Variants in COL23A1 observed in about 807,000 individuals in gnomAD.
COL23A1 encodes collagen alpha-1(XXIII) chain.
COL23A1 carries 97 observed loss-of-function variants against 99.3 expected under a neutral mutation model. That is an observed-to-expected ratio of 0.98 (90% confidence interval 0.83 to 1.16). The LOEUF is 1.16. Among genes scored for constraint, COL23A1 ranks in the 50% most tolerant of loss-of-function variants. COL23A1 has a pLI of 0.00. For synonymous variants in COL23A1, 320 were observed against 308.2 expected (o/e 1.04, Z -0.40); for missense variants, 762 against 757.4 (o/e 1.01, Z -0.07).
At chr5:178,381,840 T>C (rs1763397677) in intron 2 of COL23A1, among the ~76,000 whole-genome samples, 1 of 152,124 alleles carries the variant, frequency 6.6e-6, no homozygotes, top group South Asian at 2.1e-4. Flanking sequence ...TTCCCTCTAT[T>C]GCCCTCACTG....
At chr5:178,397,087 G>C (rs146721890) in intron 2 of COL23A1, among the ~76,000 whole-genome samples, 1 of 152,350 alleles carries the variant, frequency 6.6e-6, no homozygotes, top group African/African-American at 2.4e-5. Context: ...TCCAAGCCTG[G>C]CTGTGCACCC....
At position 178,293,357 on chromosome 5, in the gene COL23A1, C is replaced by T. The variant is rs975954733; in HGVS notation, c.407-2988G>A. Among the ~76,000 whole-genome samples the T allele has an allele frequency of 2.6e-5, 4 of 151,972 alleles. No individual in the cohort carries two copies. The Admixed American group carries it at 2.6e-4, about 10-fold the overall frequency. On this transcript the variant is annotated intron_variant, in intron 3 of 28. Coordinates refer to ENST00000390654, the MANE Select transcript of COL23A1 (RefSeq NM_173465.4). ...GTGGAGATGGCAGGAGGAAGAGTGC[C>T]TGGTGCTGCTAGGCATGTGCCATGG...
intron 2 of COL23A1, among the ~76,000 whole-genome samples, chr5:178,497,559 C>G (rs369701651): frequency 6.6e-6 from 1 of 152,146 alleles, no homozygotes; most frequent in East Asian, 1.9e-4. Flanking sequence ...TGTCTCTCCT[C>G]CATACCGAAA....
intron 2 of COL23A1, among the ~76,000 whole-genome samples, chr5:178,379,948 C>T (rs1763289535): frequency 1.3e-5 from 2 of 151,718 alleles, no homozygotes; most frequent in Admixed American, 1.3e-4. Flanking sequence ...TTTAGTTCAA[C>T]CTTATTTTAT....
Position 178,589,943 on chromosome 5 carries a change from G to T in COL23A1, c.255C>A (p.Asp85Glu). 1 of 1,331,172 alleles carries T rather than the reference G, an allele frequency of 7.5e-7. No homozygotes were observed. Among genetic ancestry groups the T allele is most frequent in the Non-Finnish European group, 9.5e-7 (1 of 1,048,178 alleles). 82.5% of individuals were successfully genotyped at this position (1,331,172 alleles called of 1,614,324 possible). Reference sequence around the variant, plus strand: ...GCTCCAGGTGCGGCTCGGCCCAGGCGTCCAGGGCGCCTGGCGGCCCCGCGC... The same window carrying T: ...GCTCCAGGTGCGGCTCGGCCCAGGCTTCCAGGGCGCCTGGCGGCCCCGCGC... ...LRRAGPPGAL[D>E]AWAEPHLERL... Residue 85 changes from aspartate to glutamate, a missense_variant, in exon 1 of 29, where the codon GAC becomes GAA. Asp to Glu is a conservative substitution (Grantham distance 45). Transcript: ENST00000390654. This position sits in a 1 kb window ranked among gnomAD's most constrained non-coding sequence, Gnocchi z 5.4.
intron 2 of COL23A1, among the ~76,000 whole-genome samples, chr5:178,527,008 T>C (rs187868354): frequency 1.1e-4 from 17 of 152,250 alleles, no homozygotes; most frequent in Admixed American, 1.0e-3. Flanking sequence ...CCAGGCCAAT[T>C]ACAGCCAGGA....
At chr5:178,286,050 G>A (rs998991449) in intron 5 of COL23A1, among the ~76,000 whole-genome samples, 1 of 152,182 alleles carries the variant, frequency 6.6e-6, no homozygotes, top group Non-Finnish European at 1.5e-5. Context: ...CGACGTGAAC[G>A]CCCTGAATCC....
chr5:178,300,870 C>G (rs1036419669), intron 3 of COL23A1, among the ~76,000 whole-genome samples: 7 of 152,108 alleles, frequency 4.6e-5, no homozygotes, highest in Non-Finnish European at 7.4e-5. Context: ...GGCCAAGATT[C>G]ATTTTTTTTG....
chr5:178,320,158 G>T (rs1759212927), intron 2 of COL23A1, among the ~76,000 whole-genome samples: 1 of 152,192 alleles, frequency 6.6e-6, no homozygotes, highest in Non-Finnish European at 1.5e-5. Context: ...TATGAAAATT[G>T]CCTAGCTTAT....
At chr5:178,551,809 A>T (rs1182248973) in intron 2 of COL23A1, among the ~76,000 whole-genome samples, 1 of 152,102 alleles carries the variant, frequency 6.6e-6, no homozygotes, top group Admixed American at 6.6e-5. Flanking sequence ...TCTGTCCTTC[A>T]TGCTGTTTCC....
Position 178,294,303 on chromosome 5 carries a change from A to ACACCTGAGCCT in COL23A1, c.407-3935_407-3934insAGGCTCAGGTG, listed in dbSNP as rs1172211129. 4.1e-3 allele frequency among the ~76,000 whole-genome samples: 105 copies of ACACCTGAGCCT among 25,548 alleles called. 2 individuals carry two copies. Among genetic ancestry groups the ACACCTGAGCCT allele is most frequent in the Non-Finnish European group, 9.2e-3 (65 of 7,090 alleles). The allele number at this position is 25,548 out of a possible 152,430, so 16.8% of individuals were successfully genotyped here. Reference sequence around the variant, plus strand: ...TCACTACCGAGCTCCCTCCCAAATCACTACCCAGCTCCCTCCCCAAATCAC... The same window carrying ACACCTGAGCCT: ...TCACTACCGAGCTCCCTCCCAAATCACACCTGAGCCTCTACCCAGCTCCCTCCCCAAATCAC... On this transcript the variant is annotated intron_variant, in intron 3 of 28. Coordinates refer to ENST00000390654, the MANE Select transcript of COL23A1 (RefSeq NM_173465.4).
chr5:178,364,061 G>A (rs941626949), intron 2 of COL23A1, among the ~76,000 whole-genome samples: 1 of 152,192 alleles, frequency 6.6e-6, no homozygotes, highest in Non-Finnish European at 1.5e-5. Flanking sequence ...AGGCACCAGT[G>A]GTCTGGCTAC....
intron 1 of COL23A1, among the ~76,000 whole-genome samples, chr5:178,571,836 G>A (rs1379921590): frequency 1.3e-5 from 2 of 152,140 alleles, no homozygotes; most frequent in South Asian, 2.1e-4. Flanking sequence ...TTGGGAGGCC[G>A]AGGCGGGCGG....
chr5:178,359,944 C>T (rs1041020847), intron 2 of COL23A1, among the ~76,000 whole-genome samples: 3 of 152,144 alleles, frequency 2.0e-5, no homozygotes, highest in Non-Finnish European at 4.4e-5. Flanking sequence ...GTCCGTGGAG[C>T]AGGGGTGGGG....
At chr5:178,269,536 T>C (rs59287013) in intron 6 of COL23A1, among the ~76,000 whole-genome samples, 2 of 34,256 alleles carry the variant, frequency 5.8e-5, no homozygotes, top group African/African-American at 2.6e-4. Context: ...CCCACCCATC[T>C]ATCCACCCAT....
At chr5:178,527,694 G>C (rs1760388309) in intron 2 of COL23A1, among the ~76,000 whole-genome samples, 1 of 152,180 alleles carries the variant, frequency 6.6e-6, no homozygotes, top group African/African-American at 2.4e-5. Flanking sequence ...AGTGCATGCT[G>C]TGTGTGCTCC....
intron 2 of COL23A1, among the ~76,000 whole-genome samples, chr5:178,478,524 C>T (rs181620659): frequency 5.3e-5 from 8 of 152,166 alleles, no homozygotes; most frequent in Admixed American, 1.3e-4. Flanking sequence ...CATCCAGTAT[C>T]CCCCACACCA....
At chr5:178,581,997 T>C (rs776431684) in intron 1 of COL23A1, among the ~76,000 whole-genome samples, 1 of 151,896 alleles carries the variant, frequency 6.6e-6, no homozygotes, top group Non-Finnish European at 1.5e-5. Context: ...TAGGGTAACA[T>C]TCATCATGCT....
chr5:178,374,101 A>AC (rs745796154), intron 2 of COL23A1, among the ~76,000 whole-genome samples: 15 of 152,224 alleles, frequency 9.9e-5, no homozygotes, highest in African/African-American at 2.2e-4. Flanking sequence ...TTCTCAGCAC[A>AC]CGCCAGCTTC....
Sources: gnomAD v4.1 joint callset for allele counts (sites outside exome capture counted in the v4.1 genomes callset) on GRCh38, gnomAD v4.1.1 for gene constraint, Gnocchi (gnomAD v3.1) non-coding constraint, MANE v1.5 for transcripts, NCBI Gene and HGNC (gene_info 2026-07-23, HGNC 2026-07-21) for gene names.